The following DPYD variants were observed in gnomAD, a reference collection of about 807,000 sequenced individuals.
DPYD encodes the protein dihydropyrimidine dehydrogenase.
Under a neutral mutation model 116.2 loss-of-function variants are expected in DPYD, and 109 were observed. The ratio of observed to expected loss-of-function variants is 0.94; its 90% CI spans 0.80 to 1.10. DPYD has a LOEUF of 1.10. Ranked by LOEUF, DPYD falls within the 50% of genes least tolerant of loss-of-function variation. The pLI, the probability that DPYD is intolerant of heterozygous loss-of-function variation, is 0.00. For synonymous variants in DPYD, 440 were observed against 432.0 expected (o/e 1.02, Z -0.23); for missense variants, 1,302 against 1,254.5 (o/e 1.04, Z -0.57).
At chr1:97,626,771 A>C (rs1189663839) in intron 8 of DPYD, among the ~76,000 whole-genome samples, 2 of 152,124 alleles carry the variant, frequency 1.3e-5, no homozygotes, top group Non-Finnish European at 2.9e-5. Context: ...TTAATTTCTG[A>C]AATACATATT....
chr1:97,206,890 T>C (rs1659676916), intron 19 of DPYD, among the ~76,000 whole-genome samples: 1 of 151,338 alleles, frequency 6.6e-6, no homozygotes, highest in African/African-American at 2.4e-5. Context: ...TATACACATA[T>C]ATACCTATGT....
chr1:97,273,978 T>C (rs915337643), intron 18 of DPYD, among the ~76,000 whole-genome samples: 7 of 152,168 alleles, frequency 4.6e-5, no homozygotes, highest in Non-Finnish European at 1.0e-4. Flanking sequence ...ACATTTACTT[T>C]TGAAGAAAGA....
At chr1:97,399,773 G>A (rs942356529) in intron 14 of DPYD, among the ~76,000 whole-genome samples, 27 of 152,216 alleles carry the variant, frequency 1.8e-4, no homozygotes, top group Non-Finnish European at 3.1e-4. Context: ...GTTTAAGAAT[G>A]CTTGTGATTT....
At chr1:97,154,143 G>T (rs1467291869) in intron 20 of DPYD, among the ~76,000 whole-genome samples, 1 of 152,116 alleles carries the variant, frequency 6.6e-6, no homozygotes, top group East Asian at 1.9e-4. Context: ...TCCCACTAAT[G>T]GGTATCTACC....
intron 20 of DPYD, among the ~76,000 whole-genome samples, chr1:97,160,991 T>C (rs1189681923): frequency 6.6e-6 from 1 of 152,124 alleles, no homozygotes; most frequent in Admixed American, 6.6e-5. Flanking sequence ...CACTCCCTCA[T>C]CCCCAACCAT....
At chr1:97,719,165 C>CAAAAA (rs1005459699) in intron 5 of DPYD, among the ~76,000 whole-genome samples, 10 of 48,172 alleles carry the variant, frequency 2.1e-4, no homozygotes, top group African/African-American at 2.6e-4. Flanking sequence ...CCAACCCTGC[C>CAAAAA]AAAAAAAAAA....
intron 5 of DPYD, among the ~76,000 whole-genome samples, chr1:97,714,900 T>A (rs542906321): frequency 9.9e-5 from 15 of 152,236 alleles, no homozygotes; most frequent in Middle Eastern, 3.4e-3. Context: ...GTTTGTGAAA[T>A]AATGAAAATT....
At chr1:97,339,098 G>A (rs1435339025) in intron 16 of DPYD, among the ~76,000 whole-genome samples, 1 of 151,968 alleles carries the variant, frequency 6.6e-6, no homozygotes, top group Non-Finnish European at 1.5e-5. Context: ...CTACTGCTGA[G>A]ACCTGAATTA....
At chr1:97,486,654 A>G (rs1678658532) in intron 13 of DPYD, among the ~76,000 whole-genome samples, 1 of 152,164 alleles carries the variant, frequency 6.6e-6, no homozygotes, top group Non-Finnish European at 1.5e-5. Flanking sequence ...TGTTAGTGCT[A>G]TCCAAATCAA....
intron 14 of DPYD, among the ~76,000 whole-genome samples, chr1:97,418,836 C>T (rs1457406643): frequency 6.6e-6 from 1 of 151,958 alleles, no homozygotes; most frequent in East Asian, 1.9e-4. Context: ...CCAGAGTAGA[C>T]TAAATTGCAT....
At chr1:97,686,069 G>A (rs546443473) in intron 7 of DPYD, among the ~76,000 whole-genome samples, 58 of 152,072 alleles carry the variant, frequency 3.8e-4, no homozygotes, top group Admixed American at 2.6e-4. Context: ...CATGCTACCC[G>A]ACTTCAAACT....
chr1:97,595,807 A>G (rs971498339), intron 8 of DPYD, among the ~76,000 whole-genome samples: 1 of 151,896 alleles, frequency 6.6e-6, no homozygotes, highest in Non-Finnish European at 1.5e-5. Flanking sequence ...TGGGAGAAGA[A>G]AAAATATAAA....
At chr1:97,501,783 C>T (rs990857571) in intron 13 of DPYD, among the ~76,000 whole-genome samples, 2 of 151,914 alleles carry the variant, frequency 1.3e-5, no homozygotes, top group Admixed American at 6.6e-5. Context: ...GGTAGGGAAG[C>T]GTTTTTTAGT....
intron 14 of DPYD, among the ~76,000 whole-genome samples, chr1:97,398,986 A>G (rs2101628421): frequency 6.6e-6 from 1 of 152,180 alleles, no homozygotes; most frequent in African/African-American, 2.4e-5. Context: ...TTTTGTTGCC[A>G]TTGCTTTTGG....
At chr1:97,373,467 C>A in intron 16 of DPYD, 94 bp downstream of exon 16, 1 of 1,050,112 alleles carries the variant, frequency 9.5e-7, no homozygotes, top group East Asian at 2.4e-5. Flanking sequence ...GTCATCTGAT[C>A]CATGCATCTC....
At chr1:97,113,659 A>G (rs1287467178) in intron 20 of DPYD, among the ~76,000 whole-genome samples, 2 of 152,256 alleles carry the variant, frequency 1.3e-5, no homozygotes, top group East Asian at 1.9e-4. Context: ...AATATCAGTT[A>G]TAAGTACTAC....
At chr1:97,691,834 A>G (rs776028792) in intron 6 of DPYD, 36 bp from the exon 7 acceptor site, 6 of 1,564,554 alleles carry the variant, frequency 3.8e-6, no homozygotes, top group Non-Finnish European at 5.3e-6. Context: ...AGGCATCAGT[A>G]GAAAAATGAC....
intron 2 of DPYD, among the ~76,000 whole-genome samples, chr1:97,876,169 A>G (rs1671906712): frequency 6.6e-6 from 1 of 152,058 alleles, no homozygotes; most frequent in Non-Finnish European, 1.5e-5. Flanking sequence ...AGTGCAATTC[A>G]GAAGTTAATG....
intron 21 of DPYD, among the ~76,000 whole-genome samples, chr1:97,085,387 G>C (rs546012305): frequency 6.6e-6 from 1 of 152,300 alleles, no homozygotes; most frequent in Non-Finnish European, 1.5e-5. Context: ...CTCTAAATTG[G>C]AGATTTGCTT....
Sources: gnomAD v4.1 joint callset for allele counts (sites outside exome capture counted in the v4.1 genomes callset) on GRCh38, gnomAD v4.1.1 for gene constraint, MANE v1.5 for transcripts, NCBI Gene and HGNC (gene_info 2026-07-23, HGNC 2026-07-21) for gene names.